Variants in ACTR3B observed in about 807,000 individuals in gnomAD.
ACTR3B encodes actin-related protein 3B.
In ACTR3B, 8 loss-of-function variants were observed where a neutral mutation model predicts 59.0. The ratio of observed to expected loss-of-function variants is 0.14; its 90% CI spans 0.08 to 0.24. ACTR3B has a LOEUF of 0.24. Among genes scored for constraint, ACTR3B ranks in the 10% least tolerant of loss-of-function variants. The pLI is 1.00. For synonymous variants in ACTR3B, 148 were observed against 197.9 expected, an observed-to-expected ratio of 0.75 and a Z score of 2.12; for missense variants, 245 against 552.3, an observed-to-expected ratio of 0.44 and a Z score of 5.58.
chr7:152,786,714 C>T lies in ACTR3B; in HGVS notation c.100+3472C>T, dbSNP rs568157715. On this transcript the variant is annotated intron_variant, in intron 2 of 11. Coordinates refer to ENST00000256001, the MANE Select transcript of ACTR3B (RefSeq NM_020445.6). ...TTGAGTATCAGACCTCTCTTCTTTT[C>T]CTCTTTTCTTTCCTCTGGTGGATAT... 2.2e-3 allele frequency among the ~76,000 whole-genome samples: 329 copies of T among 151,956 alleles called. 1 individual carries two copies. The highest frequency in any genetic ancestry group is 7.6e-3 in the African/African-American group (313 of 41,434).
At chr7:152,779,238 A>G (rs1464196013) in intron 1 of ACTR3B, among the ~76,000 whole-genome samples, 1 of 152,028 alleles carries the variant, frequency 6.6e-6, no homozygotes, top group Non-Finnish European at 1.5e-5. Context: ...CCTTCTCTGG[A>G]GATTCCCATT....
intron 9 of ACTR3B, among the ~76,000 whole-genome samples, chr7:152,850,760 T>C (rs1448314354): frequency 6.6e-6 from 1 of 150,758 alleles, no homozygotes; most frequent in Non-Finnish European, 1.5e-5. Context: ...GACAGAAAAG[T>C]GCATTTTTTT....
At position 152,823,312 on chromosome 7, in the gene ACTR3B, GC is replaced by G. The variant is rs542357556; in HGVS notation, c.685-28del. The G allele has an allele frequency of 2.0e-4, 317 of 1,602,900 alleles. No individual in the cohort carries two copies. The African/African-American group carries it at 4.2e-3, about 21-fold the overall frequency. On this transcript the variant is annotated intron_variant, in intron 7 of 11. Coordinates refer to ENST00000256001, the MANE Select transcript of ACTR3B (RefSeq NM_020445.6). ...GCAGAGACACTGGGCAGTTGTTAAT[GC>G]CTGGCAACATCTTTGTGTGTGTATG... is the stretch of plus-strand genomic sequence containing the variant.
intron 9 of ACTR3B, among the ~76,000 whole-genome samples, chr7:152,830,445 T>C (rs1223264196): frequency 6.6e-6 from 1 of 152,244 alleles, no homozygotes; most frequent in East Asian, 1.9e-4. Flanking sequence ...AAGGGATTGA[T>C]TTTTCTGTAA....
rs551899061 is a variant in ACTR3B at position 152,818,600 on chromosome 7, G to A, written c.541-1699G>A. Among the ~76,000 whole-genome samples, 13 of 152,214 alleles carry A rather than the reference G, an allele frequency of 8.5e-5. 1 individual carries two copies. In the South Asian group the frequency reaches 1.5e-3, roughly 17 times the overall value. ...TGAGTAGCTGGGATTACAGGCATGCGCCACCATGCCTGACTAATTTGTATT... is the reference window on the plus strand; with the variant it reads ...TGAGTAGCTGGGATTACAGGCATGCACCACCATGCCTGACTAATTTGTATT... On this transcript the variant is annotated intron_variant, in intron 6 of 11. Coordinates refer to ENST00000256001, the MANE Select transcript of ACTR3B (RefSeq NM_020445.6).
chr7:152,847,009 C>G lies in ACTR3B; in HGVS notation c.952-5117C>G, dbSNP rs1798388284. Among the ~76,000 whole-genome samples the G allele has an allele frequency of 2.7e-5, 4 of 148,626 alleles. No homozygotes were observed. The South Asian group carries it at 8.6e-4, about 32-fold the overall frequency. ...TGTCCGGGCTGCAGTCTGCAGTGAG[C>G]TCTAGTGCCCGGGCTGTAGTCTGCA... On this transcript the variant is annotated intron_variant, in intron 9 of 11. Transcript: ENST00000256001.
intron 6 of ACTR3B, among the ~76,000 whole-genome samples, chr7:152,818,289 A>G (rs1405358325): frequency 1.3e-5 from 2 of 152,234 alleles, no homozygotes; most frequent in African/African-American, 4.8e-5. Flanking sequence ...GTTGTTTGAA[A>G]AGATTTTTAA....
At chr7:152,823,829 A>G (rs887919283) in intron 8 of ACTR3B, among the ~76,000 whole-genome samples, 9 of 152,090 alleles carry the variant, frequency 5.9e-5, no homozygotes, top group Non-Finnish European at 1.0e-4. Flanking sequence ...ACAAGTAGCT[A>G]CTCTCAAGGC....
At chr7:152,838,342 A>G (rs539161067) in intron 9 of ACTR3B, among the ~76,000 whole-genome samples, 78 of 152,182 alleles carry the variant, frequency 5.1e-4, no homozygotes, top group African/African-American at 1.9e-3. Context: ...ACACCATGGA[A>G]TACTATGAAG....
At chr7:152,805,020 G>A (rs554163104) in intron 4 of ACTR3B, among the ~76,000 whole-genome samples, 112 of 152,022 alleles carry the variant, frequency 7.4e-4, no homozygotes, top group South Asian at 3.9e-3. Flanking sequence ...GAGTTATTTC[G>A]CCTGCTCTCA....
At chr7:152,761,598 C>A (rs569859546) in intron 1 of ACTR3B, among the ~76,000 whole-genome samples, 266 of 152,266 alleles carry the variant, frequency 1.7e-3, no homozygotes, top group Middle Eastern at 3.4e-3. Context: ...GATTCAACTT[C>A]TATAGATCAT....
intron 4 of ACTR3B, among the ~76,000 whole-genome samples, chr7:152,806,550 C>T (rs1375723462): frequency 6.6e-6 from 1 of 152,184 alleles, no homozygotes; most frequent in Non-Finnish European, 1.5e-5. Context: ...AATCTCTCTA[C>T]TCTAGTGTCT....
At chr7:152,800,905 C>A (rs2098233655) in intron 3 of ACTR3B, among the ~76,000 whole-genome samples, 1 of 152,274 alleles carries the variant, frequency 6.6e-6, no homozygotes, top group African/African-American at 2.4e-5. Context: ...AAAGCAAGAT[C>A]CCCTCCTCTG....
intron 9 of ACTR3B, among the ~76,000 whole-genome samples, chr7:152,831,537 T>C (rs1797030565): frequency 6.6e-6 from 1 of 152,244 alleles, no homozygotes; most frequent in South Asian, 2.1e-4. Context: ...GGAACAGCGT[T>C]TTAAACTTTA....
chr7:152,801,090 G>GT (rs1270671575), intron 3 of ACTR3B, among the ~76,000 whole-genome samples: 1 of 152,196 alleles, frequency 6.6e-6, no homozygotes, highest in Admixed American at 6.5e-5. Context: ...TTTTGTTGTT[G>GT]TTTTTTTAGA....
chr7:152,835,409 CCA>C (rs1220677915), intron 9 of ACTR3B, among the ~76,000 whole-genome samples: 11 of 152,152 alleles, frequency 7.2e-5, no homozygotes, highest in South Asian at 2.1e-4. Context: ...ATGAAGTGAG[CCA>C]CACACACTTT....
chr7:152,787,727 A>T (rs2948945), intron 2 of ACTR3B, among the ~76,000 whole-genome samples: 2 of 152,012 alleles, frequency 1.3e-5, no homozygotes, highest in Non-Finnish European at 2.9e-5. Flanking sequence ...CTTTTGTTTC[A>T]TTGATGTATT....
At chr7:152,782,423 C>G (rs183245821) in intron 1 of ACTR3B, among the ~76,000 whole-genome samples, 6 of 152,056 alleles carry the variant, frequency 3.9e-5, no homozygotes, top group Non-Finnish European at 1.5e-5. Context: ...CCCACCACCC[C>G]CCCTTTTATA....
rs565897690 is a variant in ACTR3B, at chr7:152,768,683, C to T, written c.44+8757C>T. 2.4e-3 allele frequency among the ~76,000 whole-genome samples: 370 copies of T among 152,214 alleles called. 1 individual carries two copies. The highest frequency in any genetic ancestry group is 3.9e-3 in the Non-Finnish European group (266 of 68,016). ...TAGAGACGGGGTTCCACCATGTTGG[C>T]CAGGCTGGTCTCGAACCCCTGACCT... On this transcript the variant is annotated intron_variant, in intron 1 of 11. Coordinates refer to ENST00000256001, the MANE Select transcript of ACTR3B (RefSeq NM_020445.6).
Sources: allele counts gnomAD v4.1 joint callset (sites outside exome capture counted in the v4.1 genomes callset), GRCh38; gene constraint gnomAD v4.1.1; transcripts MANE v1.5; gene names NCBI Gene and HGNC (gene_info 2026-07-23, HGNC 2026-07-21).